Variants in DACH2 observed in about 807,000 individuals in gnomAD.
The protein encoded by DACH2 is dachshund homolog 2.
A neutral mutation model predicts 35.8 loss-of-function variants in DACH2; 17 were observed. The observed-to-expected ratio is 0.48, with a 90% CI of 0.33 to 0.71. DACH2 has a LOEUF of 0.71. Among genes scored for constraint, DACH2 ranks in the 30% least tolerant of loss-of-function variants. DACH2 has a pLI of 0.02. For missense variants in DACH2, 469 were observed against 472.7 expected, an observed-to-expected ratio of 0.99 and a Z score of 0.07; for synonymous variants, 195 against 177.3, an observed-to-expected ratio of 1.10 and a Z score of -0.79.
At chrX:86,769,155 G>A (rs1040557458) in intron 7 of DACH2, among the ~76,000 whole-genome samples, 11 of 110,857 alleles carry the variant, frequency 9.9e-5, no homozygotes, top group Admixed American at 6.7e-4. Flanking sequence ...GCATCAAAGG[G>A]ACATATCTCA....
intron 11 of DACH2, among the ~76,000 whole-genome samples, chrX:86,824,563 CA>C (rs1182434792): frequency 1.8e-5 from 2 of 111,864 alleles, no homozygotes; most frequent in African/African-American, 3.3e-5. Context: ...TAAAGTAAGA[CA>C]GGGGTAAGAA....
intron 2 of DACH2, among the ~76,000 whole-genome samples, chrX:86,457,307 A>G (rs2037493239): frequency 8.9e-6 from 1 of 111,948 alleles, no homozygotes; most frequent in Admixed American, 9.5e-5. Context: ...AGTGTTACAT[A>G]ACCTATTACC....
chrX:86,630,697 CTT>C (rs72243221), intron 3 of DACH2, among the ~76,000 whole-genome samples: 81 of 102,922 alleles, frequency 7.9e-4, no homozygotes, highest in African/African-American at 2.3e-3. Flanking sequence ...GCTTATTAAA[CTT>C]TTTTTTTTTT....
At chrX:86,753,273 A>G in intron 7 of DACH2, among the ~76,000 whole-genome samples, 1 of 112,136 alleles carries the variant, frequency 8.9e-6, no homozygotes, top group South Asian at 3.7e-4. Flanking sequence ...TTTCTCCAAA[A>G]CAGACATAAA....
chrX:86,827,618 G>T, intron 11 of DACH2: 1 of 455,879 alleles, frequency 2.2e-6, no homozygotes, highest in South Asian at 4.0e-5. Context: ...CATTAATTGC[G>T]AGAGATATAT....
intron 7 of DACH2, among the ~76,000 whole-genome samples, chrX:86,799,596 G>T (rs2042272039): frequency 8.9e-6 from 1 of 111,736 alleles, no homozygotes; most frequent in Non-Finnish European, 1.9e-5. Flanking sequence ...AAGACTTCAG[G>T]CTCAAACTAC....
chrX:86,464,059 T>C (rs1377368862), intron 2 of DACH2, among the ~76,000 whole-genome samples: 1 of 111,654 alleles, frequency 9.0e-6, no homozygotes, highest in Non-Finnish European at 1.9e-5. Context: ...GGAATGCTTT[T>C]ACACTGTTGG....
chrX:86,274,451 C>CT lies in DACH2; in HGVS notation c.489-102360dup, dbSNP rs1160584218. ...TAGAATGAGCTAATAACATTAAATC[C>CT]TTTTTTTTTTTTTCTTTTTTTTTTG... is the stretch of plus-strand genomic sequence containing the variant. On this transcript the variant is annotated intron_variant, in intron 1 of 11. Transcript: ENST00000373125. Among the ~76,000 whole-genome samples the CT allele has an allele frequency of 2.0e-3, 63 of 31,249 alleles. 1 individual carries two copies. Among genetic ancestry groups the CT allele is most frequent in the East Asian group, 7.2e-3 (6 of 828 alleles). 27.1% of individuals were successfully genotyped at this position (31,249 alleles called of 115,157 possible).
intron 3 of DACH2, among the ~76,000 whole-genome samples, chrX:86,536,917 A>G (rs1039182702): frequency 6.3e-5 from 7 of 111,190 alleles, no homozygotes; most frequent in Non-Finnish European, 1.3e-4. Flanking sequence ...TATATAATGA[A>G]CAGAAATATA....
intron 2 of DACH2, among the ~76,000 whole-genome samples, chrX:86,396,486 T>A (rs1447776005): frequency 1.0e-5 from 1 of 98,443 alleles, no homozygotes; most frequent in Non-Finnish European, 2.0e-5. Flanking sequence ...TGAATGGTAA[T>A]GCCTAGGTTT....
intron 1 of DACH2, among the ~76,000 whole-genome samples, chrX:86,335,169 G>C (rs2035283471): frequency 9.0e-6 from 1 of 111,667 alleles, no homozygotes; most frequent in Non-Finnish European, 1.9e-5. Flanking sequence ...TAGCCTTGTA[G>C]TAAAGTTTGA....
intron 3 of DACH2, among the ~76,000 whole-genome samples, chrX:86,583,689 T>A (rs2148342927): frequency 9.1e-6 from 1 of 109,971 alleles, no homozygotes; most frequent in South Asian, 3.9e-4. Flanking sequence ...TTTTTTAGAC[T>A]GTTAATGTGG....
intron 4 of DACH2, among the ~76,000 whole-genome samples, chrX:86,676,431 C>A (rs1361564609): frequency 9.0e-6 from 1 of 111,403 alleles, no homozygotes; most frequent in African/African-American, 3.3e-5. Flanking sequence ...CATCCCTAGT[C>A]TGCCTACAGT....
At chrX:86,402,750 A>G (rs191001752) in intron 2 of DACH2, among the ~76,000 whole-genome samples, 1 of 111,848 alleles carries the variant, frequency 8.9e-6, no homozygotes, top group East Asian at 2.8e-4. Context: ...AAAGAACAAA[A>G]CCAGAGACAT....
chrX:86,571,321 A>C (rs2039364480), intron 3 of DACH2, among the ~76,000 whole-genome samples: 1 of 110,284 alleles, frequency 9.1e-6, no homozygotes, highest in Admixed American at 9.7e-5. Context: ...TATACTTTTA[A>C]GTTTTAGGGT....
At chrX:86,231,243 C>T (rs1218968416) in intron 1 of DACH2, among the ~76,000 whole-genome samples, 1 of 112,386 alleles carries the variant, frequency 8.9e-6, no homozygotes, top group African/African-American at 3.2e-5. Flanking sequence ...TATTTTTGTG[C>T]TGGTTTACCA....
chrX:86,329,711 G>A (rs988825730), intron 1 of DACH2, among the ~76,000 whole-genome samples: 1 of 111,638 alleles, frequency 9.0e-6, no homozygotes, highest in African/African-American at 3.3e-5. Context: ...AGTCTTCTGG[G>A]ACAACAGAAA....
chrX:86,588,258 C>A (rs1433344157), intron 3 of DACH2, among the ~76,000 whole-genome samples: 1 of 110,957 alleles, frequency 9.0e-6, no homozygotes, highest in Non-Finnish European at 1.9e-5. Flanking sequence ...CATGCTGTTT[C>A]AATCATCATA....
chrX:86,360,308 T>C lies in DACH2; in HGVS notation c.489-16516T>C, dbSNP rs776287260. ...TACAGAATGATCTCTTTCCCAAGGA[T>C]TTTCCCCTTATGCCCCACACTTTCA... On this transcript the variant is annotated intron_variant, in intron 1 of 11. Coordinates refer to ENST00000373125, the MANE Select transcript of DACH2 (RefSeq NM_053281.3). Among the ~76,000 whole-genome samples, 8 of 111,304 alleles carry C rather than the reference T, an allele frequency of 7.2e-5. No individual in the cohort carries two copies. In the South Asian group the frequency reaches 3.0e-3, roughly 42 times the overall value.
Sources: allele counts gnomAD v4.1 joint callset (sites outside exome capture counted in the v4.1 genomes callset), GRCh38; gene constraint gnomAD v4.1.1; transcripts MANE v1.5; gene names NCBI Gene and HGNC (gene_info 2026-07-23, HGNC 2026-07-21).